The following ZNF430 variants were observed in gnomAD, a reference collection of about 807,000 sequenced individuals.
ZNF430 encodes the protein zinc finger protein 430.
A neutral mutation model predicts 56.7 loss-of-function variants in ZNF430; 35 were observed. That is an observed-to-expected ratio of 0.62 (90% CI 0.47 to 0.82). ZNF430 has a LOEUF of 0.82. Ranked by LOEUF, ZNF430 falls within the 40% of genes least tolerant of loss-of-function variation. The pLI is 0.00. For synonymous variants in ZNF430, 212 were observed against 224.3 expected (o/e 0.94, Z 0.49); for missense variants, 574 against 661.0 (o/e 0.87, Z 1.44).
At chr19:21,041,595 CTATCAATT>C in intron 4 of ZNF430, among the ~76,000 whole-genome samples, 1 of 152,178 alleles carries the variant, frequency 6.6e-6, no homozygotes, top group Non-Finnish European at 1.5e-5. Flanking sequence ...TTTACTGCAC[CTATCAATT>C]CATCACTTAG....
chr19:21,020,939 T>G (rs1974286579), intron 1 of ZNF430, 136 bp downstream of exon 1: 1 of 1,199,462 alleles, frequency 8.3e-7, no homozygotes, highest in Non-Finnish European at 1.2e-6. Context: ...CAGCTGGGCC[T>G]CAGTCCCCAT....
rs1967739485 is a variant in ZNF430, at chr19:21,023,564, G to A, written c.96+683G>A. 2.6e-5 allele frequency among the ~76,000 whole-genome samples: 4 copies of A among 152,278 alleles called. No individual in the cohort carries two copies. In the South Asian group the frequency reaches 8.3e-4, roughly 32 times the overall value. The stretch of plus-strand genomic sequence containing the variant: ...TCTCAGGTGTGTTTTTTATGGCTGG[G>A]TGATTTCAAACAGAATTCTAAGGCT... On this transcript the variant is annotated intron_variant, in intron 2 of 4. Coordinates refer to ENST00000261560, the MANE Select transcript of ZNF430 (RefSeq NM_025189.4).
At chr19:21,038,523 G>A (rs1189030816) in intron 4 of ZNF430, among the ~76,000 whole-genome samples, 1 of 152,080 alleles carries the variant, frequency 6.6e-6, no homozygotes, top group Non-Finnish European at 1.5e-5. Flanking sequence ...CTCCTCCTGG[G>A]TTTCAGCGAT....
chr19:21,020,944 C>A, intron 1 of ZNF430, 141 bp downstream of exon 1: 1 of 1,185,276 alleles, frequency 8.4e-7, no homozygotes, highest in Non-Finnish European at 1.2e-6. Flanking sequence ...GGGCCTCAGT[C>A]CCCATCAGCC....
Position 21,057,823 on chromosome 19 carries a change from A to G in ZNF430, c.1515A>G (p.Ile505Met). Reference protein sequence around the residue: ...NQFSNLTKHKITHIGDTSYKY... With the variant: ...NQFSNLTKHKMTHIGDTSYKY... ...TCTCAAACCTTACTAAACATAAGAT[A>G]ACTCATATTGGAGATACATCTTACA... The change falls in exon 5 of 5, where the codon ATA becomes ATG. Residue 505 changes from isoleucine (I) to methionine (M), a missense_variant. Coordinates refer to ENST00000261560, the MANE Select transcript of ZNF430 (RefSeq NM_025189.4). 1.2e-6 allele frequency: 2 copies of G among 1,613,924 alleles called. No homozygotes were observed. The highest frequency in any genetic ancestry group is 1.7e-6 in the Non-Finnish European group (2 of 1,179,970).
Position 21,028,733 on chromosome 19 carries a change from T to C in ZNF430, c.97-4723T>C, listed in dbSNP as rs548676887. Among the ~76,000 whole-genome samples the C allele has an allele frequency of 5.9e-5, 9 of 152,304 alleles. No individual in the cohort carries two copies. In the East Asian group the frequency reaches 1.5e-3, roughly 26 times the overall value. ...CGGAGTATTGCTCTATCGCCCAGGC[T>C]GGAGTGCAGTGGCGCGATCTCGGCT... On this transcript the variant is annotated intron_variant, in intron 2 of 4. Coordinates refer to ENST00000261560, the MANE Select transcript of ZNF430 (RefSeq NM_025189.4).
intron 4 of ZNF430, chr19:21,034,542 T>TC (rs1240711159): frequency 1.3e-5 from 2 of 154,138 alleles, no homozygotes; most frequent in Non-Finnish European, 2.8e-5. Context: ...TTTCTTTCTT[T>TC]TTTTTTTTTT....
At chr19:21,050,146 A>G (rs1405852814) in intron 4 of ZNF430, among the ~76,000 whole-genome samples, 2 of 152,060 alleles carry the variant, frequency 1.3e-5, no homozygotes, top group Admixed American at 6.6e-5. Flanking sequence ...GGCCTCCCAA[A>G]GTGCTGGGAT....
chr19:21,032,360 AGATTATAATTTACT>A (rs1250267559), intron 2 of ZNF430, among the ~76,000 whole-genome samples: 2 of 152,194 alleles, frequency 1.3e-5, no homozygotes, highest in Non-Finnish European at 1.5e-5. Flanking sequence ...GGTTGCATTC[AGATTATAATTTACT>A]GTTTGAGGGG....
intron 4 of ZNF430, among the ~76,000 whole-genome samples, chr19:21,041,087 T>C (rs1968094273): frequency 6.6e-6 from 1 of 152,202 alleles, no homozygotes; most frequent in Non-Finnish European, 1.5e-5. Flanking sequence ...TGTATGCTTT[T>C]TTACTTAAAC....
intron 4 of ZNF430, among the ~76,000 whole-genome samples, chr19:21,043,831 A>G (rs1231212882): frequency 3.3e-5 from 5 of 151,610 alleles, no homozygotes; most frequent in Non-Finnish European, 7.4e-5. Context: ...CTGTATTCCT[A>G]GGTATTTTAT....
chr19:21,040,903 A>G (rs1173613904), intron 4 of ZNF430, among the ~76,000 whole-genome samples: 1 of 152,162 alleles, frequency 6.6e-6, no homozygotes, highest in African/African-American at 2.4e-5. Context: ...CCATTATATA[A>G]TATCAGTGTT....
intron 2 of ZNF430, among the ~76,000 whole-genome samples, chr19:21,030,793 A>G (rs1336607442): frequency 1.3e-5 from 2 of 152,130 alleles, no homozygotes; most frequent in South Asian, 2.1e-4. Flanking sequence ...GAGTGGGGCC[A>G]AAATTACCAA....
chr19:21,051,023 G>A (rs1432447401), intron 4 of ZNF430, among the ~76,000 whole-genome samples: 3 of 151,870 alleles, frequency 2.0e-5, no homozygotes, highest in South Asian at 2.1e-4. Flanking sequence ...GCAAGATTCC[G>A]TCTGAAAAAA....
At chr19:21,039,006 AT>A (rs1968053117) in intron 4 of ZNF430, among the ~76,000 whole-genome samples, 1 of 152,010 alleles carries the variant, frequency 6.6e-6, no homozygotes, top group Non-Finnish European at 1.5e-5. Context: ...CTGGAGTGCA[AT>A]GGCATGGTCT....
chr19:21,023,690 T>C (rs1967741503), intron 2 of ZNF430, among the ~76,000 whole-genome samples: 1 of 152,200 alleles, frequency 6.6e-6, no homozygotes, highest in African/African-American at 2.4e-5. Context: ...GGTAGATAAT[T>C]GGTGAGTTAC....
In ZNF430 at chr19:21,057,036, A is replaced by G. The variant is rs1162930441; in HGVS notation, c.728A>G (p.Asn243Ser). 6.2e-7 allele frequency: 1 copy of G among 1,614,092 alleles called. No individual in the cohort carries two copies. Residue 243 changes from asparagine (N) to serine (S), a missense_variant, in exon 5 of 5, where the codon AAC becomes AGC. Physicochemically the swap from Asn to Ser is conservative, Grantham distance 46 (BLOSUM62 1). Around this residue, in one of 3 missense-constraint regions of ZNF430, gnomAD observed 346 missense variants for 399.1 expected, o/e 0.87. Coordinates refer to ENST00000261560, the MANE Select transcript of ZNF430 (RefSeq NM_025189.4). Reference protein sequence around the residue: ...YQCEECGKVFNWFSTLTRHRR... With the variant: ...YQCEECGKVFSWFSTLTRHRR... ...TGTGAAGAATGTGGTAAAGTCTTTA[A>G]CTGGTTCTCAACCCTTACTAGACAC...
chr19:21,020,969 G>A (rs1377367194), intron 1 of ZNF430, among the ~76,000 whole-genome samples, 166 bp downstream of exon 1: 1 of 152,170 alleles, frequency 6.6e-6, no homozygotes, highest in Non-Finnish European at 1.5e-5. Context: ...GATGGCGGCT[G>A]CGCTGACAGG....
intron 4 of ZNF430, among the ~76,000 whole-genome samples, chr19:21,042,481 T>G (rs375569545): frequency 1.6e-4 from 24 of 152,216 alleles, no homozygotes; most frequent in South Asian, 4.1e-4. Context: ...TGTTGTTTCT[T>G]GACTTTTTAA....
Sources: gnomAD v4.1 joint callset for allele counts (sites outside exome capture counted in the v4.1 genomes callset) on GRCh38, gnomAD v4.1.1 for gene constraint, gnomAD v4.1.1 regional missense constraint, MANE v1.5 for transcripts, NCBI Gene and HGNC (gene_info 2026-07-23, HGNC 2026-07-21) for gene names.